RASA3: variants seen among roughly 807,000 people sequenced by gnomAD.
RASA3 encodes ras GTPase-activating protein 3.
A neutral mutation model predicts 110.0 loss-of-function variants in RASA3; 73 were observed. That is an observed-to-expected ratio of 0.66 (90% CI 0.55 to 0.81). RASA3 has a LOEUF of 0.81. Ranked by LOEUF, RASA3 falls within the 30% of genes least tolerant of loss-of-function variation. The pLI is 0.00. For synonymous variants in RASA3, 500 were observed against 451.4 expected, an observed-to-expected ratio of 1.11 and a Z score of -1.37; for missense variants, 976 against 1,113.2, an observed-to-expected ratio of 0.88 and a Z score of 1.75.
chr13:114,060,908 C>T (rs1410106197), intron 2 of RASA3, among the ~76,000 whole-genome samples: 1 of 152,062 alleles, frequency 6.6e-6, no homozygotes, highest in Non-Finnish European at 1.5e-5. Flanking sequence ...GACGGGGCCT[C>T]CAAAGCCGGC....
rs1326401204 is a variant in RASA3 at position 114,017,996 on chromosome 13, C to T, written c.1091+108G>A. 6.3e-6 allele frequency: 8 copies of T among 1,261,866 alleles called. No individual in the cohort carries two copies. The African/African-American group carries it at 1.1e-4, about 17-fold the overall frequency. The allele number at this position is 1,261,866 out of a possible 1,614,324, so 78.2% of individuals were successfully genotyped here. A position where few individuals can be genotyped will look rare whatever the true frequency, so the allele number is the denominator to read the frequency against. On this transcript the variant is annotated intron_variant, in intron 11 of 23. Coordinates refer to ENST00000334062, the MANE Select transcript of RASA3 (RefSeq NM_007368.4). ...TGAATCAACATGGTTTCTGGGGACC[C>T]TTGAATTCCCTCAAGCCCTGCCCCA...
chr13:113,990,335 T>C (rs1192647128), intron 22 of RASA3, among the ~76,000 whole-genome samples: 1 of 152,170 alleles, frequency 6.6e-6, no homozygotes, highest in African/African-American at 2.4e-5. Flanking sequence ...CGCAAGGGTG[T>C]TCCCAGCAGA....
In RASA3 at chr13:114,000,957, G is replaced by A. The variant is rs778535725; in HGVS notation, c.1743-25C>T. The A allele has an allele frequency of 3.2e-6, 5 of 1,544,852 alleles. No individual in the cohort carries two copies. The Admixed American group carries it at 8.3e-5, about 26-fold the overall frequency. ...CCTGTGTGAAGAGCACACAGGGCCG[G>A]GGTCCGGGCCTCAGCTGCCTCCCTG... On this transcript the variant is annotated intron_variant, in intron 18 of 23. Transcript: ENST00000334062.
rs1031466531 is a variant in RASA3 at position 114,048,467 on chromosome 13, C to T, written c.277+3585G>A. ...GGCCCAGAGGAAGGTGGAGGCCTAG[C>T]GGGAAAAGGAGGGAGGCGCCAGGAT... On this transcript the variant is annotated intron_variant, in intron 3 of 23. Transcript: ENST00000334062. The surrounding 1 kb of genome is among the most constrained non-coding windows in gnomAD (Gnocchi z 4.3). 6.6e-6 allele frequency among the ~76,000 whole-genome samples: 1 copy of T among 152,038 alleles called. No homozygotes were observed. Among genetic ancestry groups the T allele is most frequent in the South Asian group, 2.1e-4 (1 of 4,824 alleles).
At chr13:113,981,879 A>C (rs1356387347) in intron 22 of RASA3, 21 bp from the exon 23 acceptor site, 1 of 1,605,172 alleles carries the variant, frequency 6.2e-7, no homozygotes, top group South Asian at 1.1e-5. Context: ...CGGAGGGGTC[A>C]GCGCAGGGCA....
At position 114,077,168 on chromosome 13, in the gene RASA3, G is replaced by A. The variant is rs114377295; in HGVS notation, c.56-3331C>T. Among the ~76,000 whole-genome samples, 512 of 152,326 alleles carry A rather than the reference G, an allele frequency of 3.4e-3. 4 individuals are homozygous for A. The highest frequency in any genetic ancestry group is 0.012 in the African/African-American group (486 of 41,568). ...CACAGCAGTAACAGCTGGGTCTTCC[G>A]AAGGCGGACACTGCAGGACGGAAAC... On this transcript the variant is annotated intron_variant, in intron 1 of 23. Transcript: ENST00000334062.
rs1405255791 is a variant in RASA3, at chr13:114,029,912, C to CA, written c.373-26dup. On this transcript the variant is annotated intron_variant, in intron 4 of 23. Coordinates refer to ENST00000334062, the MANE Select transcript of RASA3 (RefSeq NM_007368.4). ...CCTGCAAGGCACAAGGATGGGGTGT[C>CA]AGAGGCTGTGGCGCTGCTCCCACAG... The CA allele has an allele frequency of 3.2e-6, 5 of 1,543,360 alleles. No homozygotes were observed. In the African/African-American group the frequency reaches 6.8e-5, roughly 21 times the overall value.
intron 1 of RASA3, among the ~76,000 whole-genome samples, chr13:114,092,064 T>C (rs1411041145): frequency 7.4e-6 from 1 of 134,844 alleles, no homozygotes; most frequent in African/African-American, 2.5e-5. Context: ...GGTCTTATCT[T>C]TTTTTTTTCT....
Position 114,096,484 on chromosome 13 carries a change from C to T in RASA3, c.56-22647G>A, listed in dbSNP as rs536759963. On this transcript the variant is annotated intron_variant, in intron 1 of 23. Coordinates refer to ENST00000334062, the MANE Select transcript of RASA3 (RefSeq NM_007368.4). The surrounding 1 kb of genome is among the most constrained non-coding windows in gnomAD (Gnocchi z 5.1). ...AGCGCTCAGTACTGGGGACCCTGGC[C>T]GGGAAGTTTGCACAGAGTATGAGCT... Among the ~76,000 whole-genome samples the T allele has an allele frequency of 3.4e-4, 51 of 152,228 alleles. No homozygotes were observed. The highest frequency in any genetic ancestry group is 5.5e-4 in the African/African-American group (23 of 41,548).
At chr13:114,015,559 C>T (rs1344110654) in intron 13 of RASA3, among the ~76,000 whole-genome samples, 1 of 152,246 alleles carries the variant, frequency 6.6e-6, no homozygotes, top group African/African-American at 2.4e-5. Flanking sequence ...CTCCCCGGCT[C>T]GGCCCCGACC....
rs371560895 is a variant in RASA3, at chr13:114,011,665, G to A, written c.1513-417C>T. ...GGGCCGGGCTTGGTGGCTCACGCCT[G>A]TAATCCCAGCACTTCGGGAGGCCGA... On this transcript the variant is annotated intron_variant, in intron 15 of 23. Transcript: ENST00000334062. This position sits in a 1 kb window ranked among gnomAD's most constrained non-coding sequence, Gnocchi z 4.8. 8.5e-5 allele frequency among the ~76,000 whole-genome samples: 13 copies of A among 152,162 alleles called. No homozygotes were observed. In the South Asian group the frequency reaches 1.5e-3, roughly 17 times the overall value.
rs796733595 is a variant in RASA3, at chr13:114,117,773, C to T, written c.55+14662G>A. 7.3e-3 allele frequency among the ~76,000 whole-genome samples: 656 copies of T among 90,118 alleles called. 5 individuals carry two copies. The highest frequency in any genetic ancestry group is 0.022 in the African/African-American group (555 of 24,762). The allele number at this position is 90,118 out of a possible 152,430, so 59.1% of individuals were successfully genotyped here. On this transcript the variant is annotated intron_variant, in intron 1 of 23. Coordinates refer to ENST00000334062, the MANE Select transcript of RASA3 (RefSeq NM_007368.4). ...TGAGGGATGCACGTGTGTGAGAGCACGTGTGTGAGGAGAGCACGTGTGTGA... is the reference window on the plus strand; with the variant it reads ...TGAGGGATGCACGTGTGTGAGAGCATGTGTGTGAGGAGAGCACGTGTGTGA...
intron 1 of RASA3, among the ~76,000 whole-genome samples, chr13:114,101,064 G>A (rs1488358056): frequency 6.6e-6 from 1 of 152,194 alleles, no homozygotes; most frequent in South Asian, 2.1e-4. Context: ...AGCCGGGGGT[G>A]TAGGGACAGG....
In RASA3 at chr13:114,016,258, T is replaced by C; in HGVS notation, c.1220A>G (p.His407Arg). Residue 407 changes from histidine to arginine, a missense_variant, in exon 13 of 24, where the codon CAC (histidine) becomes CGC (arginine). Physicochemically the swap from His to Arg is conservative, Grantham distance 29. Around this residue, in one of 4 missense-constraint regions of RASA3, gnomAD observed 732 missense variants for 779.7 expected, o/e 0.94. Coordinates refer to ENST00000334062, the MANE Select transcript of RASA3 (RefSeq NM_007368.4). ...KPAIEEICQS[H>R]KPCEIDPVKL... is the part of the protein sequence containing the mutation. ...CACAGGGTCGATTTCACAGGGTTTG[T>C]GGCTCTGGCATATCTGGGGAGAGGT... is the stretch of plus-strand genomic sequence containing the variant. 6.3e-7 allele frequency: 1 copy of C among 1,595,580 alleles called. No individual in the cohort carries two copies. The highest frequency in any genetic ancestry group is 8.6e-7 in the Non-Finnish European group (1 of 1,163,238).
At position 114,073,776 on chromosome 13, in the gene RASA3, C is replaced by A; in HGVS notation, c.117G>T (p.Thr39=). The change falls in exon 2 of 24, where the codon ACG becomes ACT. Residue 39 remains threonine, a synonymous_variant. Transcript: ENST00000334062. ...AAACCTCCTCCTGGTCCAGGTTCAC[C>A]GTGCAGTAGCAATCCCTCATCTTGC... ...GPSKMRDCYC[T]VNLDQEEVFR... 1.2e-6 allele frequency: 2 copies of A among 1,614,192 alleles called. No individual in the cohort carries two copies. The highest frequency in any genetic ancestry group is 1.7e-6 in the Non-Finnish European group (2 of 1,180,028).
At chr13:114,129,800 G>A (rs775199454) in intron 1 of RASA3, among the ~76,000 whole-genome samples, 6 of 152,128 alleles carry the variant, frequency 3.9e-5, no homozygotes, top group Non-Finnish European at 8.8e-5. Flanking sequence ...GGGAAGACAC[G>A]GGCCCTGGGT....
intron 1 of RASA3, among the ~76,000 whole-genome samples, chr13:114,118,859 T>C (rs2080329295): frequency 6.6e-6 from 1 of 152,198 alleles, no homozygotes; most frequent in South Asian, 2.1e-4. Context: ...CTGGTTCCAG[T>C]GCAGCTACCC....
chr13:114,094,329 C>T (rs1327115296), intron 1 of RASA3, among the ~76,000 whole-genome samples: 3 of 152,192 alleles, frequency 2.0e-5, no homozygotes, highest in Admixed American at 6.5e-5. Context: ...AAAACAAACA[C>T]GAATGTTCAT....
At chr13:114,063,830 C>T (rs1331899535) in intron 2 of RASA3, among the ~76,000 whole-genome samples, 1 of 152,202 alleles carries the variant, frequency 6.6e-6, no homozygotes, top group African/African-American at 2.4e-5. Flanking sequence ...CAGCATACGC[C>T]GTCTTATAAA....
Sources: allele counts gnomAD v4.1 joint callset (sites outside exome capture counted in the v4.1 genomes callset), GRCh38; gene constraint gnomAD v4.1.1; regional missense constraint gnomAD v4.1.1; non-coding constraint Gnocchi (gnomAD v3.1); transcripts MANE v1.5; gene names NCBI Gene and HGNC (gene_info 2026-07-23, HGNC 2026-07-21).